CFAP300: variants seen among roughly 807,000 people sequenced by gnomAD.
CFAP300 encodes the protein cilia- and flagella-associated protein 300.
A neutral mutation model predicts 33.0 loss-of-function variants in CFAP300; 32 were observed. That is an observed-to-expected ratio of 0.97 (90% CI 0.73 to 1.30). CFAP300 has a LOEUF of 1.30. Ranked by LOEUF, CFAP300 falls within the 50% of genes most tolerant of loss-of-function variation. The pLI, the probability that CFAP300 is intolerant of heterozygous loss-of-function variation, is 0.00. For missense variants in CFAP300, 356 were observed against 318.1 expected (o/e 1.12, Z -0.90); for synonymous variants, 102 against 106.8 (o/e 0.95, Z 0.28).
intron 5 of CFAP300, among the ~76,000 whole-genome samples, chr11:102,080,443 G>A (rs1383260079): frequency 6.6e-6 from 1 of 152,136 alleles, no homozygotes; most frequent in Non-Finnish European, 1.5e-5. Flanking sequence ...TTGAGATGGA[G>A]TTTCGCTCCT....
At chr11:102,070,036 A>G (rs572169013) in intron 4 of CFAP300, among the ~76,000 whole-genome samples, 2 of 152,304 alleles carry the variant, frequency 1.3e-5, no homozygotes, top group Non-Finnish European at 2.9e-5. Context: ...GAAATGTGTT[A>G]ACTATTCATT....
At chr11:102,078,440 T>C (rs1942430224) in intron 5 of CFAP300, among the ~76,000 whole-genome samples, 1 of 152,216 alleles carries the variant, frequency 6.6e-6, no homozygotes, top group South Asian at 2.1e-4. Context: ...TCTGATATAA[T>C]GCAATTATTA....
At chr11:102,057,387 A>G (rs1261585963) in intron 2 of CFAP300, among the ~76,000 whole-genome samples, 1 of 151,660 alleles carries the variant, frequency 6.6e-6, no homozygotes, top group Non-Finnish European at 1.5e-5. Context: ...ATGCACCAGC[A>G]GCTGACTCAA....
intron 4 of CFAP300, among the ~76,000 whole-genome samples, chr11:102,067,521 C>T (rs890133854): frequency 6.6e-6 from 1 of 152,132 alleles, no homozygotes; most frequent in Non-Finnish European, 1.5e-5. Context: ...TTACCTGATT[C>T]CTGATTTATT....
At chr11:102,064,136 A>G (rs17097403) in intron 3 of CFAP300, among the ~76,000 whole-genome samples, 17,083 of 152,176 alleles carry the variant, frequency 0.11, 1,242 homozygotes, top group African/African-American at 0.19. Context: ...AATTTTGAAG[A>G]GATAGAATTC....
chr11:102,066,194 C>T (rs977957718), intron 3 of CFAP300, among the ~76,000 whole-genome samples: 15 of 152,022 alleles, frequency 9.9e-5, no homozygotes, highest in African/African-American at 3.6e-4. Flanking sequence ...AGGCTAGTCT[C>T]GAACTCCTGA....
rs116668351 is a variant in CFAP300 at position 102,064,671 on chromosome 11, C to A, written c.269-1814C>A. Among the ~76,000 whole-genome samples, 687 of 152,166 alleles carry A rather than the reference C, an allele frequency of 4.5e-3. 7 individuals are homozygous for A. The highest frequency in any genetic ancestry group is 0.016 in the African/African-American group (661 of 41,506). On this transcript the variant is annotated intron_variant, in intron 3 of 6. Coordinates refer to ENST00000434758, the MANE Select transcript of CFAP300 (RefSeq NM_032930.3). ...CAGGTCAGAGATCCAGCAAATGTAT[C>A]CAGGGTAGGGATACACCGAGGGCCA... is the stretch of plus-strand genomic sequence containing the variant.
At chr11:102,076,735 T>C (rs1397984673) in intron 5 of CFAP300, among the ~76,000 whole-genome samples, 1 of 152,206 alleles carries the variant, frequency 6.6e-6, no homozygotes, top group Non-Finnish European at 1.5e-5. Flanking sequence ...TAGCTTCTCA[T>C]TGGACTCATA....
intron 4 of CFAP300, among the ~76,000 whole-genome samples, chr11:102,070,658 T>C (rs1942300580): frequency 6.6e-6 from 1 of 152,186 alleles, no homozygotes; most frequent in South Asian, 2.1e-4. Flanking sequence ...GAAGTCTTAG[T>C]ACTTTTTTGA....
chr11:102,069,305 T>C (rs891232561), intron 4 of CFAP300, among the ~76,000 whole-genome samples: 2 of 152,164 alleles, frequency 1.3e-5, no homozygotes, highest in African/African-American at 2.4e-5. Context: ...GGGTCCCCCA[T>C]TGTGCAGCAC....
At chr11:102,061,334 G>C (rs1478686365) in intron 3 of CFAP300, among the ~76,000 whole-genome samples, 5 of 151,428 alleles carry the variant, frequency 3.3e-5, no homozygotes, top group Admixed American at 6.6e-5. Context: ...TTTCCTCTGG[G>C]GCCCTTTTAA....
chr11:102,050,547 G>C (rs1363304914), intron 2 of CFAP300, among the ~76,000 whole-genome samples: 1 of 152,106 alleles, frequency 6.6e-6, no homozygotes, highest in Non-Finnish European at 1.5e-5. Flanking sequence ...TAGTTCCTAG[G>C]TCTATATAGA....
chr11:102,083,413 CA>C lies in CFAP300; in HGVS notation c.*220del. ...ATTTCATCCATAATAAAATCTATAC[CA>C]AAAAAGTTGTGGAATTTTTACAGAA... On this transcript the variant is annotated 3_prime_UTR_variant, in exon 7 of 7. Transcript: ENST00000434758. 1.1e-5 allele frequency: 3 copies of C among 281,058 alleles called. No homozygotes were observed. The highest frequency in any genetic ancestry group is 6.3e-5 in the East Asian group (1 of 15,908). 17.4% of individuals were successfully genotyped at this position (281,058 alleles called of 1,614,324 possible). A position where few individuals can be genotyped will look rare whatever the true frequency, so the allele number is the denominator to read the frequency against.
chr11:102,077,946 A>G (rs1265772093), intron 5 of CFAP300, among the ~76,000 whole-genome samples: 1 of 152,096 alleles, frequency 6.6e-6, no homozygotes, highest in Non-Finnish European at 1.5e-5. Flanking sequence ...GCTGAAGTAC[A>G]GTGGCACAAT....
In CFAP300 at chr11:102,083,285, C is replaced by G; in HGVS notation, c.*86C>G. 9.2e-7 allele frequency: 1 copy of G among 1,084,662 alleles called. No individual in the cohort carries two copies. The highest frequency in any genetic ancestry group is 3.6e-5 in the South Asian group (1 of 27,618). The allele number at this position is 1,084,662 out of a possible 1,614,324, so 67.2% of individuals were successfully genotyped here. A position where few individuals can be genotyped will look rare whatever the true frequency, so the allele number is the denominator to read the frequency against. ...AACTTATAGATAAACATATACTTTG[C>G]AAATTAATTCAAGAAAAATGTAAGG... On this transcript the variant is annotated 3_prime_UTR_variant, in exon 7 of 7. Coordinates refer to ENST00000434758, the MANE Select transcript of CFAP300 (RefSeq NM_032930.3).
intron 2 of CFAP300, among the ~76,000 whole-genome samples, chr11:102,051,918 A>G (rs1448118147): frequency 6.6e-6 from 1 of 152,192 alleles, no homozygotes; most frequent in Admixed American, 6.5e-5. Flanking sequence ...TATCTTTGTT[A>G]TTACTGTAAC....
Position 102,083,096 on chromosome 11 carries a change from C to T in CFAP300, c.701C>T (p.Ser234Leu). The T allele has an allele frequency of 2.6e-6, 4 of 1,524,876 alleles. No homozygotes were observed. Among genetic ancestry groups the T allele is most frequent in the Non-Finnish European group, 3.5e-6 (4 of 1,133,896 alleles). 94.5% of individuals were successfully genotyped at this position (1,524,876 alleles called of 1,614,324 possible). A position where few individuals can be genotyped will look rare whatever the true frequency, so the allele number is the denominator to read the frequency against. Reference protein sequence around the residue: ...AYDSAGMCYPSAKNHEQTFSY... With the variant: ...AYDSAGMCYPLAKNHEQTFSY... ...GATTCTGCTGGTATGTGCTATCCTT[C>T]AGCAAAGAATCATGAACAGACATTT... Residue 234 changes from serine to leucine, a missense_variant, in exon 7 of 7, where the codon TCA becomes TTA. Ser to Leu is a moderately radical substitution (Grantham distance 145, BLOSUM62 -2). Coordinates refer to ENST00000434758, the MANE Select transcript of CFAP300 (RefSeq NM_032930.3).
Position 102,082,395 on chromosome 11 carries a change from A to T in CFAP300, c.676-676A>T, listed in dbSNP as rs866011561. Among the ~76,000 whole-genome samples the T allele has an allele frequency of 2.3e-3, 352 of 152,266 alleles. 1 individual carries two copies. The highest frequency in any genetic ancestry group is 7.7e-3 in the African/African-American group (320 of 41,572). On this transcript the variant is annotated intron_variant, in intron 6 of 6. Coordinates refer to ENST00000434758, the MANE Select transcript of CFAP300 (RefSeq NM_032930.3). ...CTCCAACTCCAAAAAAAATTTAAAA[A>T]AAAAAAGAGAAAACAAAGATAGAAA...
intron 5 of CFAP300, among the ~76,000 whole-genome samples, chr11:102,078,662 T>C (rs1942433553): frequency 6.6e-6 from 1 of 152,180 alleles, no homozygotes; most frequent in South Asian, 2.1e-4. Flanking sequence ...CGTCTAATAA[T>C]GTACAAATGG....
Sources: allele counts gnomAD v4.1 joint callset (sites outside exome capture counted in the v4.1 genomes callset), GRCh38; gene constraint gnomAD v4.1.1; transcripts MANE v1.5; gene names NCBI Gene and HGNC (gene_info 2026-07-23, HGNC 2026-07-21).